The following RGS7 variants were observed in gnomAD, a reference collection of about 807,000 sequenced individuals.
RGS7 encodes the protein regulator of G protein signaling 7.
A neutral mutation model predicts 81.1 loss-of-function variants in RGS7; 27 were observed. The observed-to-expected ratio is 0.33, with a 90% confidence interval of 0.25 to 0.46. The LOEUF is 0.46. RGS7 is among the 20% of genes least tolerant of loss of function. RGS7 has a pLI of 1.00. For missense variants in RGS7, 396 were observed against 607.4 expected, an observed-to-expected ratio of 0.65 and a Z score of 3.66; for synonymous variants, 208 against 207.7, an observed-to-expected ratio of 1.00 and a Z score of -0.01.
intron 2 of RGS7, among the ~76,000 whole-genome samples, chr1:241,259,275 G>C (rs994680806): frequency 2.6e-5 from 4 of 152,062 alleles, no homozygotes; most frequent in Non-Finnish European, 5.9e-5. Context: ...AAGTTCACTA[G>C]TTAATGGACC....
intron 3 of RGS7, among the ~76,000 whole-genome samples, chr1:241,006,436 C>T (rs2058691167): frequency 6.6e-6 from 1 of 152,132 alleles, no homozygotes; most frequent in African/African-American, 2.4e-5. Context: ...AAAAAAATGT[C>T]TATATCAAGC....
intron 2 of RGS7, among the ~76,000 whole-genome samples, chr1:241,108,069 T>C (rs974571759): frequency 1.3e-5 from 2 of 151,520 alleles, no homozygotes; most frequent in Non-Finnish European, 2.9e-5. Context: ...CCGAGGCGGG[T>C]GGATCACAAG....
chr1:241,182,523 A>ATACTTGC (rs1288354557), intron 2 of RGS7, among the ~76,000 whole-genome samples: 1 of 152,160 alleles, frequency 6.6e-6, no homozygotes, highest in East Asian at 1.9e-4. Flanking sequence ...GCATAGAGCT[A>ATACTTGC]TACTTGCTAC....
chr1:241,085,635 G>A (rs1316613377), intron 3 of RGS7, among the ~76,000 whole-genome samples: 1 of 151,972 alleles, frequency 6.6e-6, no homozygotes, highest in African/African-American at 2.4e-5. Context: ...TGCCATGTTG[G>A]CCAGGCTAGG....
chr1:241,043,970 A>C (rs1422756928), intron 3 of RGS7, among the ~76,000 whole-genome samples: 3 of 152,116 alleles, frequency 2.0e-5, no homozygotes, highest in Admixed American at 6.6e-5. Context: ...ATGCTTGTAG[A>C]AATATTTCTA....
intron 2 of RGS7, among the ~76,000 whole-genome samples, chr1:241,253,891 T>C (rs561589435): frequency 6.6e-6 from 1 of 152,266 alleles, no homozygotes; most frequent in South Asian, 2.1e-4. Context: ...GAATGGAATG[T>C]CCCATTCTAG....
intron 2 of RGS7, among the ~76,000 whole-genome samples, chr1:241,174,533 A>G (rs2070962334): frequency 6.6e-6 from 1 of 152,130 alleles, no homozygotes; most frequent in Admixed American, 6.5e-5. Context: ...AAAGATCTCA[A>G]CTCAATCATT....
At chr1:241,281,186 CA>C (rs1335989671) in intron 2 of RGS7, among the ~76,000 whole-genome samples, 2 of 152,144 alleles carry the variant, frequency 1.3e-5, no homozygotes, top group African/African-American at 2.4e-5. Flanking sequence ...TTTGCCCACA[CA>C]AACACTTACA....
chr1:241,229,061 A>G (rs1014155117), intron 2 of RGS7, among the ~76,000 whole-genome samples: 2 of 36,330 alleles, frequency 5.5e-5, no homozygotes, highest in South Asian at 1.0e-3. Flanking sequence ...ATAAAAAATT[A>G]AAAAAAAAAA....
At chr1:241,286,332 C>A (rs932312226) in intron 2 of RGS7, among the ~76,000 whole-genome samples, 6 of 152,206 alleles carry the variant, frequency 3.9e-5, no homozygotes, top group African/African-American at 1.4e-4. Flanking sequence ...AAAACTACTA[C>A]ATATGACATC....
chr1:241,122,990 A>T (rs1048741727), intron 2 of RGS7, among the ~76,000 whole-genome samples: 1 of 152,194 alleles, frequency 6.6e-6, no homozygotes, highest in African/African-American at 2.4e-5. Context: ...TTGATAAGTG[A>T]TTGTCAGACA....
intron 4 of RGS7, among the ~76,000 whole-genome samples, chr1:240,940,036 C>T (rs960586836): frequency 3.9e-5 from 6 of 152,202 alleles, no homozygotes; most frequent in Admixed American, 1.3e-4. Flanking sequence ...GCAGAGATCA[C>T]GCCACTGCAC....
intron 2 of RGS7, among the ~76,000 whole-genome samples, chr1:241,203,224 T>C (rs1169425942): frequency 1.3e-5 from 2 of 151,898 alleles, no homozygotes; most frequent in Non-Finnish European, 2.9e-5. Context: ...TTACCTTGAG[T>C]TCTGCTTCTT....
chr1:241,335,416 T>C (rs920033361), intron 2 of RGS7, among the ~76,000 whole-genome samples: 5 of 152,326 alleles, frequency 3.3e-5, no homozygotes, highest in Admixed American at 6.5e-5. Flanking sequence ...ACAATTTCTA[T>C]TAATTCAACA....
chr1:240,799,253 T>TTGTGTG (rs143900617), intron 18 of RGS7, among the ~76,000 whole-genome samples: 741 of 59,246 alleles, frequency 0.013, 4 homozygotes, highest in Middle Eastern at 0.021. Flanking sequence ...TTATTATGGT[T>TTGTGTG]TGTGTGTGTG....
chr1:240,776,404 A>C (rs1682944213), intron 18 of RGS7, among the ~76,000 whole-genome samples, 191 bp from the exon 19 acceptor site: 1 of 150,534 alleles, frequency 6.6e-6, no homozygotes, highest in Non-Finnish European at 1.5e-5. Context: ...TGACACGTCA[A>C]ACAAAACTAT....
chr1:240,790,696 A>G (rs1334882091), intron 18 of RGS7, among the ~76,000 whole-genome samples: 2 of 152,230 alleles, frequency 1.3e-5, no homozygotes, highest in Non-Finnish European at 2.9e-5. Context: ...TCAGATACTC[A>G]GGAGCTGCCA....
intron 2 of RGS7, among the ~76,000 whole-genome samples, chr1:241,211,201 C>T (rs955844913): frequency 2.6e-5 from 4 of 152,294 alleles, no homozygotes; most frequent in Admixed American, 6.5e-5. Context: ...AGGAGAATCA[C>T]TTGAACCCGG....
At chr1:241,175,634 GC>G (rs2071079540) in intron 2 of RGS7, among the ~76,000 whole-genome samples, 1 of 152,184 alleles carries the variant, frequency 6.6e-6, no homozygotes, top group Non-Finnish European at 1.5e-5. Flanking sequence ...GAAAATACAA[GC>G]ATTCACAGAA....
Sources: allele counts gnomAD v4.1 joint callset (sites outside exome capture counted in the v4.1 genomes callset), GRCh38; gene constraint gnomAD v4.1.1; transcripts MANE v1.5; gene names NCBI Gene and HGNC (gene_info 2026-07-23, HGNC 2026-07-21).